Variants in EML4 observed in about 807,000 individuals in gnomAD.
EML4 encodes echinoderm microtubule-associated protein-like 4.
In EML4, 72 loss-of-function variants were observed where a neutral mutation model predicts 129.0. The observed-to-expected ratio is 0.56, with a 90% confidence interval of 0.46 to 0.68. EML4 has a LOEUF of 0.68. EML4 is among the 30% of genes least tolerant of loss of function. The pLI is 0.00. For synonymous variants in EML4, 532 were observed against 405.0 expected (o/e 1.31, Z -3.77); for missense variants, 1,363 against 1,190.6 (o/e 1.14, Z -2.13).
intron 1 of EML4, among the ~76,000 whole-genome samples, chr2:42,233,304 TC>T (rs1259719223): frequency 6.6e-6 from 1 of 151,516 alleles, no homozygotes; most frequent in East Asian, 1.9e-4. Context: ...ATTACAGGTT[TC>T]TTTCTTTTTT....
chr2:42,259,264 A>C (rs10206051), intron 3 of EML4, among the ~76,000 whole-genome samples: 1 of 149,748 alleles, frequency 6.7e-6, no homozygotes, highest in Non-Finnish European at 1.5e-5. Context: ...AAACAGGGGG[A>C]GGGGGGCGGC....
intron 1 of EML4, among the ~76,000 whole-genome samples, chr2:42,200,849 C>T (rs1032473773): frequency 6.6e-6 from 1 of 152,148 alleles, no homozygotes; most frequent in Admixed American, 6.6e-5. Context: ...CAGCGCTTTG[C>T]AGGGGACAGT....
At chr2:42,280,197 G>A (rs1038954969) in intron 6 of EML4, among the ~76,000 whole-genome samples, 1 of 152,100 alleles carries the variant, frequency 6.6e-6, no homozygotes, top group African/African-American at 2.4e-5. Context: ...TAGAAAAACT[G>A]CTGTCACAAA....
At chr2:42,216,494 G>T (rs1485257574) in intron 1 of EML4, among the ~76,000 whole-genome samples, 1 of 150,764 alleles carries the variant, frequency 6.6e-6, no homozygotes, top group Non-Finnish European at 1.5e-5. Flanking sequence ...ACCTATCTCG[G>T]CTTCCCAAAG....
At chr2:42,177,584 C>T (rs918248118) in intron 1 of EML4, among the ~76,000 whole-genome samples, 7 of 152,150 alleles carry the variant, frequency 4.6e-5, no homozygotes, top group Non-Finnish European at 7.4e-5. Context: ...GATCACACTA[C>T]TGGGCTCCAA....
At chr2:42,237,250 A>G (rs921817281) in intron 1 of EML4, among the ~76,000 whole-genome samples, 1 of 152,034 alleles carries the variant, frequency 6.6e-6, no homozygotes, top group Non-Finnish European at 1.5e-5. Context: ...ACTAATTTTT[A>G]TCATTTATTA....
chr2:42,264,105 T>G (rs1056608367), intron 5 of EML4, among the ~76,000 whole-genome samples: 7 of 21,128 alleles, frequency 3.3e-4, no homozygotes, highest in South Asian at 2.1e-3. Flanking sequence ...CAATACGTGT[T>G]TTTTTTTTTT....
chr2:42,300,355 G>A (rs1471059622), intron 13 of EML4, among the ~76,000 whole-genome samples: 2 of 152,158 alleles, frequency 1.3e-5, no homozygotes, highest in East Asian at 3.8e-4. Context: ...AAAGGTATGA[G>A]TACTATCATC....
rs1344785315 is a variant in EML4, at chr2:42,286,398, A to G, written c.1122+19A>G. 7.0e-7 allele frequency: 1 copy of G among 1,425,400 alleles called. No homozygotes were observed. Among genetic ancestry groups the G allele is most frequent in the Non-Finnish European group, 9.9e-7 (1 of 1,007,712 alleles). 88.3% of individuals were successfully genotyped at this position (1,425,400 alleles called of 1,614,324 possible). On this transcript the variant is annotated intron_variant, in intron 10 of 22. Transcript: ENST00000318522. ...AAAAGCAGTAAGTAACAATTTTTAG[A>G]GAAGTAAGCAAGCTGAACAAAAAAG... is the stretch of plus-strand genomic sequence containing the variant.
chr2:42,307,104 G>A (rs1402608864), intron 17 of EML4, among the ~76,000 whole-genome samples: 4 of 152,184 alleles, frequency 2.6e-5, no homozygotes, highest in Non-Finnish European at 4.4e-5. Context: ...TAAGGCTAGC[G>A]GGGTTTGAAT....
Position 42,330,209 on chromosome 2 carries a change from A to T in EML4, c.*2A>T. The T allele has an allele frequency of 6.2e-7, 1 of 1,612,368 alleles. No individual in the cohort carries two copies. The highest frequency in any genetic ancestry group is 2.2e-5 in the East Asian group (1 of 44,848). On this transcript the variant is annotated 3_prime_UTR_variant, in exon 23 of 23. Coordinates refer to ENST00000318522, the MANE Select transcript of EML4 (RefSeq NM_019063.5). ...CAAGACCCTTCGCCCTCGTCCTAACACCCTGGCTTCAGTGCAACTCTTTTC... is the reference window on the plus strand; with the variant it reads ...CAAGACCCTTCGCCCTCGTCCTAACTCCCTGGCTTCAGTGCAACTCTTTTC...
At chr2:42,199,969 T>A (rs1213837170) in intron 1 of EML4, among the ~76,000 whole-genome samples, 1 of 152,098 alleles carries the variant, frequency 6.6e-6, no homozygotes, top group Non-Finnish European at 1.5e-5. Context: ...GGATCATTCC[T>A]TAATGAGATG....
chr2:42,215,683 C>G (rs528142168), intron 1 of EML4, among the ~76,000 whole-genome samples: 55 of 152,252 alleles, frequency 3.6e-4, no homozygotes, highest in East Asian at 9.6e-4. Context: ...AAGTAAGTTG[C>G]GGGTACTCAG....
chr2:42,246,107 T>TC (rs938791223), intron 2 of EML4, among the ~76,000 whole-genome samples: 8 of 152,348 alleles, frequency 5.3e-5, no homozygotes, highest in African/African-American at 1.7e-4. Context: ...TTCTGAACCC[T>TC]CTGTGGTTGT....
At chr2:42,177,466 C>A (rs1249178873) in intron 1 of EML4, among the ~76,000 whole-genome samples, 3 of 151,750 alleles carry the variant, frequency 2.0e-5, no homozygotes, top group African/African-American at 7.3e-5. Context: ...ACCAAAAGTA[C>A]AAAAAAATTA....
At chr2:42,299,553 C>A (rs1477789392) in intron 13 of EML4, among the ~76,000 whole-genome samples, 1 of 152,176 alleles carries the variant, frequency 6.6e-6, no homozygotes, top group Non-Finnish European at 1.5e-5. Context: ...TTCTCCCTCC[C>A]CTCAGCCCCT....
At chr2:42,215,892 T>C (rs1470052) in intron 1 of EML4, among the ~76,000 whole-genome samples, 46,246 of 152,052 alleles carry the variant, frequency 0.3, 7,172 homozygotes, top group South Asian at 0.38. Context: ...CTAAGATCTT[T>C]GTAAGAAAAG....
At chr2:42,274,907 A>C (rs1033921062) in intron 6 of EML4, among the ~76,000 whole-genome samples, 2 of 152,016 alleles carry the variant, frequency 1.3e-5, no homozygotes, top group Non-Finnish European at 2.9e-5. Context: ...CCTAACAATC[A>C]CTCTTTCCAA....
intron 1 of EML4, among the ~76,000 whole-genome samples, chr2:42,235,134 A>G (rs549668991): frequency 1.3e-5 from 2 of 152,276 alleles, no homozygotes; most frequent in South Asian, 4.1e-4. Flanking sequence ...CGTCTCTATT[A>G]AAAGTACAGA....
Sources: gnomAD v4.1 joint callset for allele counts (sites outside exome capture counted in the v4.1 genomes callset) on GRCh38, gnomAD v4.1.1 for gene constraint, MANE v1.5 for transcripts, NCBI Gene and HGNC (gene_info 2026-07-23, HGNC 2026-07-21) for gene names.